Variants in USP32 observed in about 807,000 individuals in gnomAD.
USP32 encodes ubiquitin specific peptidase 32, also known as ubiquitin carboxyl-terminal hydrolase 32.
A neutral mutation model predicts 204.8 loss-of-function variants in USP32; 59 were observed. The observed-to-expected ratio is 0.29, with a 90% confidence interval of 0.23 to 0.36. The LOEUF (loss-of-function observed/expected upper bound fraction) is 0.36. Among genes scored for constraint, USP32 ranks in the 10% least tolerant of loss-of-function variants. USP32 has a pLI of 1.00. For missense variants in USP32, 1,160 were observed against 1,946.4 expected (o/e 0.60, Z 7.60); for synonymous variants, 517 against 678.4 (o/e 0.76, Z 3.70).
chr17:60,334,526 A>C (rs569575753), intron 2 of USP32, among the ~76,000 whole-genome samples: 1 of 151,890 alleles, frequency 6.6e-6, no homozygotes, highest in African/African-American at 2.4e-5. Flanking sequence ...CCTCGTCTCT[A>C]CTAAAAATAC....
At chr17:60,200,616 T>G (rs1455513823) in intron 26 of USP32, among the ~76,000 whole-genome samples, 3 of 151,624 alleles carry the variant, frequency 2.0e-5, no homozygotes, top group Admixed American at 6.6e-5. Flanking sequence ...TAGCTTTCCA[T>G]TATCACTGAG....
chr17:60,385,233 CCTTTGA>C (rs2089710085), intron 1 of USP32, among the ~76,000 whole-genome samples: 1 of 152,178 alleles, frequency 6.6e-6, no homozygotes, highest in Non-Finnish European at 1.5e-5. Flanking sequence ...AGAAAAACCC[CCTTTGA>C]CTGTAATTTT....
chr17:60,409,220 T>C (rs1567899779), intron 1 of USP32, among the ~76,000 whole-genome samples: 1 of 152,180 alleles, frequency 6.6e-6, no homozygotes, highest in Non-Finnish European at 1.5e-5. Flanking sequence ...TGGTGGCACA[T>C]GCCTGTAATC....
At chr17:60,343,116 T>C (rs919500452) in intron 2 of USP32, among the ~76,000 whole-genome samples, 3 of 152,088 alleles carry the variant, frequency 2.0e-5, no homozygotes, top group Non-Finnish European at 4.4e-5. Flanking sequence ...CCTAAATATA[T>C]ATGCACCCAA....
At chr17:60,381,772 T>C (rs1405356863) in intron 1 of USP32, among the ~76,000 whole-genome samples, 2 of 152,230 alleles carry the variant, frequency 1.3e-5, no homozygotes, top group African/African-American at 2.4e-5. Flanking sequence ...CAAATCTTAC[T>C]ATATAGCTTG....
intron 13 of USP32, among the ~76,000 whole-genome samples, chr17:60,224,387 G>T (rs1025974152): frequency 2.0e-5 from 3 of 152,200 alleles, no homozygotes; most frequent in African/African-American, 7.2e-5. Flanking sequence ...ATACCAGAAA[G>T]GGAGGGAAGA....
In USP32 at chr17:60,272,093, GT is replaced by G. The variant is rs758194157; in HGVS notation, c.572-613del. Among the ~76,000 whole-genome samples the G allele has an allele frequency of 1.1e-4, 16 of 152,226 alleles. No individual in the cohort carries two copies. The South Asian group carries it at 3.3e-3, about 32-fold the overall frequency. On this transcript the variant is annotated intron_variant, in intron 5 of 33. Coordinates refer to ENST00000300896, the MANE Select transcript of USP32 (RefSeq NM_032582.4). ...GCTTCCCAAAGTGTTGGGATTATAG[GT>G]GTGAGCCACTGTGCTCAGCCATTTT...
intron 15 of USP32, among the ~76,000 whole-genome samples, chr17:60,220,647 CT>C (rs903177829): frequency 2.3e-3 from 321 of 141,018 alleles, no homozygotes; most frequent in Middle Eastern, 7.1e-3. Flanking sequence ...ACTGAAACTC[CT>C]TTTTTTTTTT....
Position 60,205,603 on chromosome 17 carries a change from G to A in USP32, c.3093C>T (p.Asp1031=). Reference sequence around the variant, plus strand: ...TGGGGATGAATATTGGTCGGGGTAGGTCCCCATTGGTAGTTAGGGTGAACA... The same window carrying A: ...TGGGGATGAATATTGGTCGGGGTAGATCCCCATTGGTAGTTAGGGTGAACA... ...NEMFTLTTNG[D]LPRPIFIPNG... Residue 1031 remains aspartate, a synonymous_variant, in exon 26 of 34, where the codon GAC becomes GAT. Transcript: ENST00000300896. The A allele has an allele frequency of 6.2e-7, 1 of 1,613,954 alleles. No homozygotes were observed. The highest frequency in any genetic ancestry group is 1.1e-5 in the South Asian group (1 of 91,074).
chr17:60,385,465 GA>G (rs1348866260), intron 1 of USP32, among the ~76,000 whole-genome samples: 1 of 152,164 alleles, frequency 6.6e-6, no homozygotes, highest in African/African-American at 2.4e-5. Flanking sequence ...AGAATCGCTT[GA>G]ACCAGGAGAC....
intron 4 of USP32, among the ~76,000 whole-genome samples, chr17:60,294,192 C>T (rs190792668): frequency 4.6e-5 from 7 of 152,296 alleles, no homozygotes; most frequent in African/African-American, 1.7e-4. Context: ...AGGTGTGAGC[C>T]ACCTTGCCTG....
intron 25 of USP32, 120 bp downstream of exon 25, chr17:60,206,901 T>G (rs2084842904): frequency 6.8e-7 from 1 of 1,468,934 alleles, no homozygotes; most frequent in Middle Eastern, 1.8e-4. Context: ...AAGGTTTCCC[T>G]TGGGTTCCAA....
rs1598025865 is a variant in USP32, at chr17:60,183,391, G to A, written c.3897C>T (p.Val1299=). Residue 1299 remains valine (V), a synonymous_variant, in exon 31 of 34, where the codon GTC becomes GTT. Coordinates refer to ENST00000300896, the MANE Select transcript of USP32 (RefSeq NM_032582.4). ...GATCAAAACTTTCCCGAGGAAATTT[G>A]ACAATTTTCTGTGATTTTATCCACC... The part of the protein sequence containing the change: ...NGRWIKSQKI[V]KFPRESFDPS... 6.2e-7 allele frequency: 1 copy of A among 1,613,450 alleles called. No individual in the cohort carries two copies. The highest frequency in any genetic ancestry group is 8.5e-7 in the Non-Finnish European group (1 of 1,179,652).
intron 2 of USP32, among the ~76,000 whole-genome samples, chr17:60,312,863 A>G (rs1327482281): frequency 6.6e-6 from 1 of 152,232 alleles, no homozygotes; most frequent in Admixed American, 6.5e-5. Flanking sequence ...CAAACACAAC[A>G]TAAGGCCCAT....
intron 1 of USP32, among the ~76,000 whole-genome samples, chr17:60,388,484 T>A (rs1222087602): frequency 6.6e-6 from 1 of 152,124 alleles, no homozygotes; most frequent in Non-Finnish European, 1.5e-5. Context: ...GAATGCTGTG[T>A]TCCAAGCATT....
At chr17:60,204,660 G>T (rs1260473533) in intron 26 of USP32, among the ~76,000 whole-genome samples, 1 of 151,924 alleles carries the variant, frequency 6.6e-6, no homozygotes, top group East Asian at 1.9e-4. Context: ...GTAGAGATGG[G>T]GTTTCACCAC....
chr17:60,313,651 C>G, intron 2 of USP32, among the ~76,000 whole-genome samples: 1 of 151,940 alleles, frequency 6.6e-6, no homozygotes, highest in East Asian at 1.9e-4. Context: ...AGAAGAGACA[C>G]CTCATTGAAC....
chr17:60,372,111 T>C (rs1235429688), intron 1 of USP32, among the ~76,000 whole-genome samples: 1 of 152,120 alleles, frequency 6.6e-6, no homozygotes, highest in Non-Finnish European at 1.5e-5. Context: ...TAAATTCTCA[T>C]GCTCAGAAGT....
chr17:60,252,366 A>T lies in USP32; in HGVS notation c.1136+15T>A, dbSNP rs760779381. 2.5e-6 allele frequency: 4 copies of T among 1,602,324 alleles called. No homozygotes were observed. The highest frequency in any genetic ancestry group is 3.4e-6 in the Non-Finnish European group (4 of 1,172,496). ...ATGTGAAATTTCAACTATATAATTG[A>T]AACTACAAATTTACCTAATAATTTG... On this transcript the variant is annotated intron_variant, in intron 11 of 33. Coordinates refer to ENST00000300896, the MANE Select transcript of USP32 (RefSeq NM_032582.4).
Sources: allele counts gnomAD v4.1 joint callset (sites outside exome capture counted in the v4.1 genomes callset), GRCh38; gene constraint gnomAD v4.1.1; transcripts MANE v1.5; gene names NCBI Gene and HGNC (gene_info 2026-07-23, HGNC 2026-07-21).